Variants in SGCD observed in about 807,000 individuals in gnomAD.
The protein encoded by SGCD is delta-sarcoglycan.
Under a neutral mutation model 36.6 loss-of-function variants are expected in SGCD, and 18 were observed. That is an observed-to-expected ratio of 0.49 (90% confidence interval 0.34 to 0.73). The LOEUF (loss-of-function observed/expected upper bound fraction) is 0.73, where lower values mean the gene tolerates loss of function less well. Among genes scored for constraint, SGCD ranks in the 30% least tolerant of loss-of-function variants. The pLI, the probability that SGCD is intolerant of heterozygous loss-of-function variation, is 0.01. For synonymous variants in SGCD, 133 were observed against 130.6 expected, an observed-to-expected ratio of 1.02 and a Z score of -0.12; for missense variants, 387 against 346.7, an observed-to-expected ratio of 1.12 and a Z score of -0.92.
Position 156,168,384 on chromosome 5 carries a change from A to AT in SGCD, c.-44+44365_-44+44366insT, listed in dbSNP as rs1203134376. ...CTCCTATCTCTACAAAAAAAAAAAA[A>AT]AATGGGCAACATAGAGAGACCCAGT... On this transcript the variant is annotated intron_variant, in intron 3 of 9. Transcript: ENST00000517913. Among the ~76,000 whole-genome samples the AT allele has an allele frequency of 8.9e-4, 135 of 151,406 alleles. 1 individual carries two copies. The East Asian group carries it at 9.8e-3, about 11-fold the overall frequency.
chr5:156,385,951 A>G (rs1435907361), intron 3 of SGCD, among the ~76,000 whole-genome samples: 2 of 152,192 alleles, frequency 1.3e-5, no homozygotes, highest in African/African-American at 4.8e-5. Flanking sequence ...GATGTAGGAA[A>G]AGTAAACATT....
At chr5:156,272,112 C>A (rs143860454) in intron 3 of SGCD, among the ~76,000 whole-genome samples, 1 of 152,158 alleles carries the variant, frequency 6.6e-6, no homozygotes, top group African/African-American at 2.4e-5. Context: ...GTGCACCCAT[C>A]ACTCAAGCAG....
intron 3 of SGCD, among the ~76,000 whole-genome samples, chr5:156,245,811 A>G (rs1359408854): frequency 6.6e-6 from 1 of 152,126 alleles, no homozygotes. Context: ...ATTAAATGAG[A>G]TCTCAGCAAT....
At chr5:156,381,034 C>G (rs1770947924) in intron 3 of SGCD, among the ~76,000 whole-genome samples, 2 of 152,150 alleles carry the variant, frequency 1.3e-5, no homozygotes, top group African/African-American at 4.8e-5. Flanking sequence ...TCATTCCTCT[C>G]CCATGACATC....
chr5:155,998,514 A>C (rs1424774732), intron 1 of SGCD, among the ~76,000 whole-genome samples: 1 of 152,086 alleles, frequency 6.6e-6, no homozygotes, highest in Non-Finnish European at 1.5e-5. Context: ...TGTAATCAGA[A>C]AAATGTGAAG....
chr5:156,233,597 A>G (rs911919392), intron 3 of SGCD, among the ~76,000 whole-genome samples: 4 of 152,218 alleles, frequency 2.6e-5, no homozygotes, highest in African/African-American at 7.2e-5. Context: ...GTTGGAAACA[A>G]TGATCTTACA....
At chr5:155,803,310 G>A in the SGCD span, among the ~76,000 whole-genome samples, 3 of 152,198 alleles carry the variant, frequency 2.0e-5, no homozygotes, top group Non-Finnish European at 4.4e-5. Context: ...CATCAAAACC[G>A]AGATGCCGGA....
chr5:156,168,298 T>C lies in SGCD; in HGVS notation c.-44+44279T>C, dbSNP rs754228631. 2.6e-5 allele frequency among the ~76,000 whole-genome samples: 4 copies of C among 152,144 alleles called. 1 individual carries two copies. The highest frequency in any genetic ancestry group is 5.9e-5 in the Non-Finnish European group (4 of 68,038). On this transcript the variant is annotated intron_variant, in intron 3 of 9. Transcript: ENST00000517913. The stretch of plus-strand genomic sequence containing the variant: ...TGTTCGTTAACTCACTAAGTGCTTG[T>C]AGAATTTGATTTCCTTCCTGTGTTA...
At chr5:155,791,612 A>G in the SGCD span, among the ~76,000 whole-genome samples, 6 of 152,186 alleles carry the variant, frequency 3.9e-5, no homozygotes, top group Non-Finnish European at 8.8e-5. Context: ...CTATACACCA[A>G]TAACATTCTA....
chr5:155,997,630 C>T (rs560570604), intron 1 of SGCD, among the ~76,000 whole-genome samples: 10 of 152,340 alleles, frequency 6.6e-5, no homozygotes. Flanking sequence ...GTTCTTCCAG[C>T]CCCACAGGCA....
At chr5:156,581,939 A>G (rs1183955970) in intron 4 of SGCD, among the ~76,000 whole-genome samples, 32 of 152,044 alleles carry the variant, frequency 2.1e-4, no homozygotes, top group Admixed American at 2.0e-3. Flanking sequence ...CCACTGTCCA[A>G]CCAGTCCCAG....
At chr5:156,362,345 G>T (rs1302762439) in intron 3 of SGCD, among the ~76,000 whole-genome samples, 1 of 152,194 alleles carries the variant, frequency 6.6e-6, no homozygotes, top group African/African-American at 2.4e-5. Flanking sequence ...GTGTTCAAAT[G>T]GTTTAGAAAT....
At chr5:156,647,628 T>C (rs1763280080) in intron 7 of SGCD, 92 bp downstream of exon 7, 2 of 810,494 alleles carry the variant, frequency 2.5e-6, no homozygotes, top group Non-Finnish European at 3.9e-6. Context: ...ATAATAAGTG[T>C]CACAGCGTGA....
At chr5:156,684,054 G>A (rs1285105636) in intron 7 of SGCD, among the ~76,000 whole-genome samples, 1 of 152,168 alleles carries the variant, frequency 6.6e-6, no homozygotes, top group African/African-American at 2.4e-5. Flanking sequence ...GGTTTGTCTT[G>A]TTTATTCCCA....
chr5:156,001,628 C>T (rs902930245), intron 1 of SGCD, among the ~76,000 whole-genome samples: 2 of 152,166 alleles, frequency 1.3e-5, no homozygotes, highest in Admixed American at 1.3e-4. Context: ...TGTTACTGAA[C>T]ATCTAATTTG....
intron 2 of SGCD, among the ~76,000 whole-genome samples, chr5:156,334,439 G>T (rs148290677): frequency 3.3e-5 from 5 of 152,186 alleles, no homozygotes; most frequent in Non-Finnish European, 5.9e-5. Flanking sequence ...TCCTCACCTT[G>T]CAACATCAAG....
At chr5:156,116,724 G>T (rs1472166056) in intron 1 of SGCD, among the ~76,000 whole-genome samples, 1 of 152,064 alleles carries the variant, frequency 6.6e-6, no homozygotes, top group Non-Finnish European at 1.5e-5. Context: ...AACACTCCGA[G>T]CCTTCCCATT....
At chr5:156,022,197 T>C (rs1304587087) in intron 1 of SGCD, among the ~76,000 whole-genome samples, 2 of 152,230 alleles carry the variant, frequency 1.3e-5, no homozygotes, top group African/African-American at 4.8e-5. Context: ...TATCAAATCT[T>C]CACTCCTTTT....
intron 4 of SGCD, among the ~76,000 whole-genome samples, chr5:156,558,088 A>AATGTGTATAT (rs1330398244): frequency 7.3e-5 from 7 of 95,592 alleles, no homozygotes; most frequent in African/African-American, 2.8e-4. Context: ...AGTAAATACA[A>AATGTGTATAT]ATATATATAT....
Sources: allele counts gnomAD v4.1 joint callset (sites outside exome capture counted in the v4.1 genomes callset), GRCh38; gene constraint gnomAD v4.1.1; transcripts MANE v1.5; gene names NCBI Gene and HGNC (gene_info 2026-07-23, HGNC 2026-07-21).